Variants in GALNT1 observed in about 807,000 individuals in gnomAD.
GALNT1 encodes GalNAc transferase 1.
A neutral mutation model predicts 65.7 loss-of-function variants in GALNT1; 17 were observed. The ratio of observed to expected loss-of-function variants is 0.26; its 90% CI spans 0.18 to 0.39. The LOEUF (loss-of-function observed/expected upper bound fraction) is 0.39. GALNT1 is among the 10% of genes least tolerant of loss of function. The pLI is 1.00. For missense variants in GALNT1, 460 were observed against 672.8 expected (o/e 0.68, Z 3.50); for synonymous variants, 210 against 219.7 (o/e 0.96, Z 0.39).
chr18:35,704,665 A>AT (rs1019589881), intron 11 of GALNT1, among the ~76,000 whole-genome samples: 3 of 147,022 alleles, frequency 2.0e-5, no homozygotes, highest in African/African-American at 7.6e-5. Context: ...TTTTTTTGAG[A>AT]TGGAGTCTCG....
chr18:35,597,256 G>C (rs1353936346), intron 1 of GALNT1: 1 of 152,192 alleles, frequency 6.6e-6, no homozygotes, highest in African/African-American at 2.4e-5. Flanking sequence ...GGGATTTATA[G>C]TATTTGCAAG....
intron 1 of GALNT1, among the ~76,000 whole-genome samples, chr18:35,631,419 T>C (rs1049097340): frequency 2.6e-5 from 4 of 152,154 alleles, no homozygotes; most frequent in Non-Finnish European, 5.9e-5. Context: ...AATCAATAAA[T>C]GTAATCCAGC....
At chr18:35,588,212 T>G (rs1236061696) in intron 1 of GALNT1, among the ~76,000 whole-genome samples, 1 of 152,176 alleles carries the variant, frequency 6.6e-6, no homozygotes, top group Non-Finnish European at 1.5e-5. Flanking sequence ...TCTCTGGTTA[T>G]GGGACTCTGT....
At chr18:35,611,589 G>T (rs896927812) in intron 1 of GALNT1, among the ~76,000 whole-genome samples, 15 of 152,132 alleles carry the variant, frequency 9.9e-5, no homozygotes, top group Non-Finnish European at 1.5e-4. Flanking sequence ...GGTCCAATAT[G>T]TAATCAGACA....
At chr18:35,626,288 T>A (rs2046915952) in intron 1 of GALNT1, among the ~76,000 whole-genome samples, 1 of 152,216 alleles carries the variant, frequency 6.6e-6, no homozygotes, top group African/African-American at 2.4e-5. Flanking sequence ...TGCATCAGAC[T>A]GCTTAGTGTA....
At chr18:35,583,978 G>A (rs778670453) in intron 1 of GALNT1, among the ~76,000 whole-genome samples, 2 of 152,034 alleles carry the variant, frequency 1.3e-5, no homozygotes, top group South Asian at 2.1e-4. Flanking sequence ...ATTTTTTTAG[G>A]TAGCTAAATT....
At chr18:35,687,674 TA>T (rs889227818) in intron 6 of GALNT1, among the ~76,000 whole-genome samples, 4 of 152,114 alleles carry the variant, frequency 2.6e-5, no homozygotes, top group African/African-American at 9.7e-5. Flanking sequence ...ACACAAAATA[TA>T]AAAAAATTCA....
At chr18:35,607,058 G>A (rs1346604621) in intron 1 of GALNT1, among the ~76,000 whole-genome samples, 7 of 152,112 alleles carry the variant, frequency 4.6e-5, no homozygotes, top group Admixed American at 4.6e-4. Context: ...AGCCAGGTCA[G>A]TAGCACCTGC....
At chr18:35,698,374 C>T (rs1245960507) in intron 9 of GALNT1, among the ~76,000 whole-genome samples, 1 of 151,928 alleles carries the variant, frequency 6.6e-6, no homozygotes, top group Non-Finnish European at 1.5e-5. Flanking sequence ...GAGGCTGAGG[C>T]GCGAGAATTG....
At chr18:35,625,833 C>G (rs11663269) in intron 1 of GALNT1, among the ~76,000 whole-genome samples, 34,659 of 152,060 alleles carry the variant, frequency 0.23, 4,415 homozygotes, top group African/African-American at 0.34. Context: ...GCAGTGTTCT[C>G]TTGTAATGAT....
At chr18:35,707,413 G>A (rs1036829595) in intron 11 of GALNT1, among the ~76,000 whole-genome samples, 3 of 152,182 alleles carry the variant, frequency 2.0e-5, no homozygotes, top group Admixed American at 1.3e-4. Context: ...TGAGTCCTCT[G>A]AGGAGTGCTG....
intron 1 of GALNT1, among the ~76,000 whole-genome samples, chr18:35,620,420 A>G (rs1226875868): frequency 6.6e-6 from 1 of 152,218 alleles, no homozygotes; most frequent in Non-Finnish European, 1.5e-5. Context: ...TAAAAAAAGA[A>G]GAGGAAACTA....
chr18:35,617,931 T>C (rs2046805272), intron 1 of GALNT1, among the ~76,000 whole-genome samples: 1 of 152,190 alleles, frequency 6.6e-6, no homozygotes. Context: ...CTTTCTCTTC[T>C]TCTTTTCTTT....
chr18:35,639,194 TGAAAG>T (rs1223347997), intron 1 of GALNT1, among the ~76,000 whole-genome samples: 1 of 152,180 alleles, frequency 6.6e-6, no homozygotes, highest in African/African-American at 2.4e-5. Context: ...AAATCTTTCA[TGAAAG>T]GAAGAGTTGA....
chr18:35,661,181 C>G (rs1454966572), intron 2 of GALNT1, among the ~76,000 whole-genome samples: 3 of 151,984 alleles, frequency 2.0e-5, no homozygotes, highest in Non-Finnish European at 4.4e-5. Flanking sequence ...TGGAAATTCT[C>G]AAACAGAAAC....
intron 1 of GALNT1, among the ~76,000 whole-genome samples, chr18:35,612,929 C>T (rs1247551481): frequency 6.6e-6 from 1 of 151,140 alleles, no homozygotes; most frequent in African/African-American, 2.4e-5. Context: ...AGGAAAGTAC[C>T]CATAGTTTCT....
chr18:35,684,393 C>CCAAT (rs144843821), intron 5 of GALNT1, among the ~76,000 whole-genome samples: 2,352 of 152,106 alleles, frequency 0.015, 28 homozygotes, highest in African/African-American at 0.027. Flanking sequence ...CAGCATTGGG[C>CCAAT]CAATCAATGG....
intron 1 of GALNT1, among the ~76,000 whole-genome samples, chr18:35,638,289 A>C (rs1427115636): frequency 6.6e-6 from 1 of 152,178 alleles, no homozygotes; most frequent in Non-Finnish European, 1.5e-5. Flanking sequence ...ATCCAGTGAG[A>C]GTGGGCTAGG....
At chr18:35,647,059 T>G (rs1308645598) in intron 1 of GALNT1, among the ~76,000 whole-genome samples, 1 of 152,202 alleles carries the variant, frequency 6.6e-6, no homozygotes, top group Non-Finnish European at 1.5e-5. Flanking sequence ...ACTTTTATCA[T>G]CTCCAGCTTC....
Sources: allele counts gnomAD v4.1 joint callset (sites outside exome capture counted in the v4.1 genomes callset), GRCh38; gene constraint gnomAD v4.1.1; transcripts MANE v1.5; gene names NCBI Gene and HGNC (gene_info 2026-07-23, HGNC 2026-07-21).